IL1RL2: variants seen among roughly 807,000 people sequenced by gnomAD.
IL1RL2 encodes interleukin-1 receptor-like 2.
A neutral mutation model predicts 66.8 loss-of-function variants in IL1RL2; 68 were observed. That is an observed-to-expected ratio of 1.02 (90% CI 0.84 to 1.25). IL1RL2 has a LOEUF of 1.25. Among genes scored for constraint, IL1RL2 ranks in the 50% most tolerant of loss-of-function variants. The pLI is 0.00. For missense variants in IL1RL2, 729 were observed against 709.3 expected, an observed-to-expected ratio of 1.03 and a Z score of -0.32; for synonymous variants, 305 against 264.6, an observed-to-expected ratio of 1.15 and a Z score of -1.48.
intron 6 of IL1RL2, among the ~76,000 whole-genome samples, chr2:102,218,322 C>A (rs965775550): frequency 6.6e-6 from 1 of 151,840 alleles, no homozygotes; most frequent in Non-Finnish European, 1.5e-5. Context: ...AAGAACACTC[C>A]TTGAATGTTA....
At chr2:102,220,370 C>T (rs1242389279) in intron 8 of IL1RL2, among the ~76,000 whole-genome samples, 1 of 152,066 alleles carries the variant, frequency 6.6e-6, no homozygotes, top group Non-Finnish European at 1.5e-5. Flanking sequence ...GATATAAAGC[C>T]AAAATGCCTA....
At chr2:102,229,328 T>G (rs1485985331) in intron 9 of IL1RL2, among the ~76,000 whole-genome samples, 1 of 152,202 alleles carries the variant, frequency 6.6e-6, no homozygotes, top group Admixed American at 6.5e-5. Flanking sequence ...GGGGCTACTT[T>G]TGGAAAATTC....
chr2:102,235,949 C>CTAAA, intron 11 of IL1RL2: 1 of 985,240 alleles, frequency 1.0e-6, no homozygotes, highest in Non-Finnish European at 1.2e-6. Context: ...ATCTGTCAAA[C>CTAAA]TAAAGCAAGC....
chr2:102,217,229 G>A (rs867375295), intron 6 of IL1RL2, among the ~76,000 whole-genome samples: 34 of 152,000 alleles, frequency 2.2e-4, no homozygotes, highest in Non-Finnish European at 1.5e-4. Context: ...AGTTTTGCTG[G>A]GTATAGTATT....
chr2:102,192,484 C>T (rs1356148936), intron 4 of IL1RL2, among the ~76,000 whole-genome samples: 1 of 152,196 alleles, frequency 6.6e-6, no homozygotes, highest in Non-Finnish European at 1.5e-5. Context: ...CTCTTTCCTG[C>T]TACCGTTCCA....
At chr2:102,234,707 A>T (rs758723418) in intron 10 of IL1RL2, among the ~76,000 whole-genome samples, 190 bp from the exon 11 acceptor site, 2 of 152,058 alleles carry the variant, frequency 1.3e-5, no homozygotes, top group Non-Finnish European at 2.9e-5. Context: ...GAATCGCTTG[A>T]ACCTGGGAGG....
intron 5 of IL1RL2, among the ~76,000 whole-genome samples, chr2:102,206,400 C>T (rs1321175120): frequency 6.6e-6 from 1 of 152,166 alleles, no homozygotes; most frequent in African/African-American, 2.4e-5. Flanking sequence ...GGAAGGCCTT[C>T]CAAAGGATTT....
chr2:102,241,037 C>G (rs980117781), downstream of IL1RL2, among the ~76,000 whole-genome samples: 8 of 152,250 alleles, frequency 5.3e-5, no homozygotes, highest in African/African-American at 1.9e-4. Context: ...CTGTCCAGCC[C>G]GAAGCTCACA....
chr2:102,239,468 G>T lies in IL1RL2; in HGVS notation c.*227G>T. The T allele has an allele frequency of 2.0e-6, 1 of 492,586 alleles. No individual in the cohort carries two copies. Among genetic ancestry groups the T allele is most frequent in the Non-Finnish European group, 3.8e-6 (1 of 265,490 alleles). 30.5% of individuals were successfully genotyped at this position (492,586 alleles called of 1,614,324 possible). ...CCGTGGTCATGGAGGGTGAGAGCTG[G>T]GGGTTATCCCCATGGTCATGGAGGG... On this transcript the variant is annotated 3_prime_UTR_variant, in exon 12 of 12. Transcript: ENST00000264257.
At chr2:102,236,951 T>C (rs1021685284) in intron 11 of IL1RL2, among the ~76,000 whole-genome samples, 4 of 152,252 alleles carry the variant, frequency 2.6e-5, no homozygotes, top group Admixed American at 1.3e-4. Context: ...ACAGTGCTGG[T>C]CTCCGGGAAG....
intron 6 of IL1RL2, among the ~76,000 whole-genome samples, chr2:102,214,897 C>T (rs991961347): frequency 2.0e-5 from 3 of 152,150 alleles, no homozygotes; most frequent in Non-Finnish European, 2.9e-5. Flanking sequence ...TTTTGACTAG[C>T]GTGTCTGAAG....
At chr2:102,231,016 A>G (rs1691076985) in intron 9 of IL1RL2, among the ~76,000 whole-genome samples, 1 of 152,242 alleles carries the variant, frequency 6.6e-6, no homozygotes, top group Non-Finnish European at 1.5e-5. Context: ...AAGGAAATAG[A>G]AAAGGACACC....
At chr2:102,194,823 C>T (rs1687525278) in intron 4 of IL1RL2, among the ~76,000 whole-genome samples, 1 of 152,114 alleles carries the variant, frequency 6.6e-6, no homozygotes, top group Non-Finnish European at 1.5e-5. Context: ...TCATAGTTCA[C>T]TGTAACCTTG....
intron 3 of IL1RL2, among the ~76,000 whole-genome samples, chr2:102,189,553 T>C (rs1023575771): frequency 5.3e-5 from 8 of 152,218 alleles, no homozygotes; most frequent in Non-Finnish European, 8.8e-5. Flanking sequence ...ACTCACAAAG[T>C]GTGTTTGTCC....
chr2:102,217,696 C>T (rs1363297460), intron 6 of IL1RL2, among the ~76,000 whole-genome samples: 1 of 152,064 alleles, frequency 6.6e-6, no homozygotes, highest in Non-Finnish European at 1.5e-5. Context: ...ACAGTCTCTT[C>T]AATAAATGGT....
intron 6 of IL1RL2, among the ~76,000 whole-genome samples, chr2:102,214,887 T>C (rs948323377): frequency 1.3e-5 from 2 of 152,122 alleles, no homozygotes; most frequent in African/African-American, 2.4e-5. Context: ...AATAGCTACA[T>C]TTTGACTAGC....
chr2:102,219,614 G>T (rs1048158669), intron 7 of IL1RL2, among the ~76,000 whole-genome samples: 6 of 152,120 alleles, frequency 3.9e-5, no homozygotes, highest in Non-Finnish European at 4.4e-5. Flanking sequence ...TAGGATACTT[G>T]GAGAGGAATA....
chr2:102,198,038 A>G (rs1687932026), intron 4 of IL1RL2, among the ~76,000 whole-genome samples: 1 of 152,126 alleles, frequency 6.6e-6, no homozygotes, highest in Non-Finnish European at 1.5e-5. Flanking sequence ...TAAAATATAG[A>G]ATGATTTTTG....
intron 4 of IL1RL2, among the ~76,000 whole-genome samples, chr2:102,197,331 G>C (rs905810445): frequency 2.6e-5 from 4 of 152,150 alleles, no homozygotes; most frequent in African/African-American, 9.7e-5. Context: ...TTGAGGTACT[G>C]GAAGGGAAGT....
Sources: allele counts gnomAD v4.1 joint callset (sites outside exome capture counted in the v4.1 genomes callset), GRCh38; gene constraint gnomAD v4.1.1; transcripts MANE v1.5; gene names NCBI Gene and HGNC (gene_info 2026-07-23, HGNC 2026-07-21).